ELAPOR1: variants seen among roughly 807,000 people sequenced by gnomAD.
The protein encoded by ELAPOR1 is endosome/lysosome-associated apoptosis and autophagy regulator 1.
In ELAPOR1, 77 loss-of-function variants were observed where a neutral mutation model predicts 119.7. The ratio of observed to expected loss-of-function variants is 0.64; its 90% confidence interval spans 0.54 to 0.78. The LOEUF (loss-of-function observed/expected upper bound fraction) is 0.78. Among genes scored for constraint, ELAPOR1 ranks in the 30% least tolerant of loss-of-function variants. ELAPOR1 has a pLI of 0.00. For missense variants in ELAPOR1, 1,115 were observed against 1,270.4 expected (o/e 0.88, Z 1.86); for synonymous variants, 481 against 487.2 (o/e 0.99, Z 0.17).
intron 3 of ELAPOR1, among the ~76,000 whole-genome samples, chr1:109,169,561 T>C (rs1233321342): frequency 6.6e-6 from 1 of 152,176 alleles, no homozygotes; most frequent in Non-Finnish European, 1.5e-5. Context: ...CTGGCCATTA[T>C]TAAGCAACTG....
chr1:109,115,759 A>T (rs1647954268), intron 1 of ELAPOR1, among the ~76,000 whole-genome samples: 1 of 152,174 alleles, frequency 6.6e-6, no homozygotes, highest in Non-Finnish European at 1.5e-5. Flanking sequence ...CATGAATATG[A>T]CATAAGTGAC....
At position 109,189,103 on chromosome 1, in the gene ELAPOR1, G is replaced by A; in HGVS notation, c.1257G>A (p.Val419=). 1.2e-6 allele frequency: 2 copies of A among 1,614,056 alleles called. No individual in the cohort carries two copies. Among genetic ancestry groups the A allele is most frequent in the Non-Finnish European group, 1.7e-6 (2 of 1,179,980 alleles). Residue 419 remains valine (V), a synonymous_variant, in exon 10 of 22, where the codon GTG becomes GTA. Coordinates refer to ENST00000369939, the MANE Select transcript of ELAPOR1 (RefSeq NM_020775.5). ...GCCCTGCAGGGACTGAACCTGCTGT[G>A]GGATTTGAATACAAATGGTGGAACA... The part of the protein sequence containing the change: ...TRCPAGTEPA[V]GFEYKWWNTL...
chr1:109,161,227 T>C (rs1400527853), intron 1 of ELAPOR1, among the ~76,000 whole-genome samples: 1 of 151,816 alleles, frequency 6.6e-6, no homozygotes, highest in African/African-American at 2.4e-5. Flanking sequence ...ATGGCTAACA[T>C]GGTGAAACCC....
At chr1:109,172,467 C>T (rs1394973020) in intron 4 of ELAPOR1, 21 bp from the exon 5 acceptor site, 1 of 1,592,242 alleles carries the variant, frequency 6.3e-7, no homozygotes, top group Non-Finnish European at 8.6e-7. Flanking sequence ...AGACTCTGGT[C>T]CCAAACTCTT....
chr1:109,183,673 C>T (rs1047933203), intron 7 of ELAPOR1, among the ~76,000 whole-genome samples: 1 of 151,558 alleles, frequency 6.6e-6, no homozygotes, highest in Admixed American at 6.6e-5. Context: ...GGCTAGAATG[C>T]AATGGCATGA....
chr1:109,158,067 T>C (rs985441149), intron 1 of ELAPOR1, among the ~76,000 whole-genome samples: 2 of 152,146 alleles, frequency 1.3e-5, no homozygotes, highest in Non-Finnish European at 2.9e-5. Flanking sequence ...TTTGTATGTT[T>C]AGTAGAGACG....
chr1:109,128,428 A>C (rs981102499), intron 1 of ELAPOR1, among the ~76,000 whole-genome samples: 1 of 152,112 alleles, frequency 6.6e-6, no homozygotes, highest in African/African-American at 2.4e-5. Context: ...AATTACTTTG[A>C]CCTCCCATCC....
intron 3 of ELAPOR1, among the ~76,000 whole-genome samples, chr1:109,167,923 C>G (rs763835993): frequency 2.6e-5 from 4 of 152,150 alleles, no homozygotes; most frequent in Non-Finnish European, 1.5e-5. Context: ...CTCCTTAAAT[C>G]CAGTCACAGT....
At chr1:109,114,614 A>C (rs111469152) in intron 1 of ELAPOR1, among the ~76,000 whole-genome samples, 3,214 of 152,308 alleles carry the variant, frequency 0.021, 41 homozygotes, top group Non-Finnish European at 0.032. Context: ...ACCTGAACTC[A>C]GAATGAGGGA....
intron 15 of ELAPOR1, 130 bp downstream of exon 15, chr1:109,194,724 A>G: frequency 1.4e-6 from 1 of 740,460 alleles, no homozygotes; most frequent in South Asian, 1.9e-5. Flanking sequence ...AAAGGTTTTT[A>G]CATATTATTC....
intron 1 of ELAPOR1, among the ~76,000 whole-genome samples, chr1:109,121,825 GTGCAGTGGCA>G (rs1648439269): frequency 1.3e-5 from 2 of 148,742 alleles, no homozygotes; most frequent in African/African-American, 2.5e-5. Flanking sequence ...CCAGGCTGGA[GTGCAGTGGCA>G]TGATCTCAGC....
Position 109,114,242 on chromosome 1 carries a change from G to A in ELAPOR1, c.59G>A (p.Arg20Lys), listed in dbSNP as rs758466135. The A allele has an allele frequency of 1.9e-6, 3 of 1,605,112 alleles. No homozygotes were observed. The South Asian group carries it at 3.4e-5, about 18-fold the overall frequency. The part of the protein sequence containing the change: ...LSARVRGRTE[R>K]RIPRLWRLLL... ...GCCAGAGTCAGGGGAAGAACTGAGA[G>A]GCGCATACCCCGGCTGTGGCGGCTG... is the stretch of plus-strand genomic sequence containing the variant. Residue 20 changes from arginine (R) to lysine (K), a missense_variant, in exon 1 of 22, where the codon AGG becomes AAG. Coordinates refer to ENST00000369939, the MANE Select transcript of ELAPOR1 (RefSeq NM_020775.5).
In ELAPOR1 at chr1:109,200,042, G is replaced by A. The variant is rs997169854; in HGVS notation, c.2629-17G>A. 6.2e-7 allele frequency: 1 copy of A among 1,613,158 alleles called. No homozygotes were observed. The highest frequency in any genetic ancestry group is 1.7e-4 in the Middle Eastern group (1 of 6,058). On this transcript the variant is annotated splice_polypyrimidine_tract_variant and intron_variant, in intron 19 of 21. Transcript: ENST00000369939. ...AGGGAATGGGAGATCTGAGTTCCTT[G>A]TTTTTCTCCCCAACAGAAGACTACT...
chr1:109,175,135 A>AT (rs2101066537), intron 7 of ELAPOR1, among the ~76,000 whole-genome samples: 1 of 152,106 alleles, frequency 6.6e-6, no homozygotes, highest in South Asian at 2.1e-4. Flanking sequence ...TGCTGGGATT[A>AT]CAGACATGAG....
chr1:109,138,917 T>C (rs567859708), intron 1 of ELAPOR1, among the ~76,000 whole-genome samples: 1 of 150,996 alleles, frequency 6.6e-6, no homozygotes, highest in African/African-American at 2.4e-5. Context: ...AATTTTTAAA[T>C]AGGTAATTCA....
intron 1 of ELAPOR1, among the ~76,000 whole-genome samples, chr1:109,161,409 CAAAAAAAAAAA>C (rs59573644): frequency 5.3e-5 from 3 of 56,332 alleles, no homozygotes; most frequent in African/African-American, 1.9e-4. Flanking sequence ...GACTCCGTCT[CAAAAAAAAAAA>C]AAAAAAAAAA....
intron 14 of ELAPOR1, among the ~76,000 whole-genome samples, chr1:109,194,191 A>G (rs528119896): frequency 6.6e-6 from 1 of 152,376 alleles, no homozygotes; most frequent in South Asian, 2.1e-4. Context: ...CTTCTGAACA[A>G]TAACAGATTT....
chr1:109,166,166 C>T lies in ELAPOR1; in HGVS notation c.467+1475C>T, dbSNP rs542484692. On this transcript the variant is annotated intron_variant, in intron 3 of 21. Coordinates refer to ENST00000369939, the MANE Select transcript of ELAPOR1 (RefSeq NM_020775.5). ...TCCTGACCTCGTGATCCACCTGCCT[C>T]GGCCTCCCAAAGTGCTGGGATTACA... Among the ~76,000 whole-genome samples, 4 of 152,216 alleles carry T rather than the reference C, an allele frequency of 2.6e-5. No homozygotes were observed. The East Asian group carries it at 5.8e-4, about 22-fold the overall frequency.
chr1:109,138,647 G>C (rs1195603340), intron 1 of ELAPOR1, among the ~76,000 whole-genome samples: 1 of 149,606 alleles, frequency 6.7e-6, no homozygotes, highest in African/African-American at 2.4e-5. Context: ...TTTCTCCCCT[G>C]GGTCAGAGTC....
Sources: gnomAD v4.1 joint callset for allele counts (sites outside exome capture counted in the v4.1 genomes callset) on GRCh38, gnomAD v4.1.1 for gene constraint, MANE v1.5 for transcripts, NCBI Gene and HGNC (gene_info 2026-07-23, HGNC 2026-07-21) for gene names.